The following KCND2 variants were observed in gnomAD, a reference collection of about 807,000 sequenced individuals.
KCND2 encodes A-type voltage-gated potassium channel KCND2.
A neutral mutation model predicts 54.4 loss-of-function variants in KCND2; 16 were observed. The observed-to-expected ratio is 0.29, with a 90% CI of 0.20 to 0.45. The LOEUF (loss-of-function observed/expected upper bound fraction) is 0.45, where lower values mean the gene tolerates loss of function less well. Ranked by LOEUF, KCND2 falls within the 20% of genes least tolerant of loss-of-function variation. The probability of loss-of-function intolerance (pLI) is 1.00; values close to 1 mark genes in which losing one functional copy is unlikely to be tolerated. For missense variants in KCND2, 486 were observed against 824.2 expected (o/e 0.59, Z 5.02); for synonymous variants, 317 against 310.7 (o/e 1.02, Z -0.21).
intron 1 of KCND2, among the ~76,000 whole-genome samples, chr7:120,445,995 G>T (rs1283016821): frequency 1.3e-5 from 2 of 152,016 alleles, no homozygotes; most frequent in Non-Finnish European, 2.9e-5. Flanking sequence ...TACTGGCTTG[G>T]CACTAGTAGG....
intron 1 of KCND2, among the ~76,000 whole-genome samples, chr7:120,405,760 A>C (rs1373496803): frequency 6.6e-6 from 1 of 152,072 alleles, no homozygotes; most frequent in Non-Finnish European, 1.5e-5. Flanking sequence ...CATAGGACTA[A>C]TTTGTCTTTC....
intron 1 of KCND2, among the ~76,000 whole-genome samples, chr7:120,641,154 T>G (rs1375799848): frequency 6.6e-6 from 1 of 152,112 alleles, no homozygotes; most frequent in African/African-American, 2.4e-5. Flanking sequence ...TCCTCAAAGT[T>G]TCACTTAAGC....
At chr7:120,310,634 T>C (rs1799723736) in intron 1 of KCND2, among the ~76,000 whole-genome samples, 1 of 152,154 alleles carries the variant, frequency 6.6e-6, no homozygotes, top group Non-Finnish European at 1.5e-5. Flanking sequence ...GAAAGCTATA[T>C]AGACTGGTCG....
intron 1 of KCND2, among the ~76,000 whole-genome samples, chr7:120,613,073 T>C (rs1792976363): frequency 7.8e-6 from 1 of 127,416 alleles, no homozygotes; most frequent in South Asian, 2.7e-4. Context: ...GCAAACTGGA[T>C]GTTTAGCCTA....
chr7:120,464,123 A>G (rs148789726), intron 1 of KCND2: 12,469 of 956,526 alleles, frequency 0.013, 85 homozygotes, highest in Non-Finnish European at 0.015. Flanking sequence ...CCTAGCTATC[A>G]TTTAGACTAT....
chr7:120,674,034 A>G (rs948198697), intron 1 of KCND2, among the ~76,000 whole-genome samples: 20 of 151,688 alleles, frequency 1.3e-4, no homozygotes, highest in African/African-American at 4.6e-4. Context: ...CCTCCCAAGT[A>G]GCTGGGACGC....
chr7:120,585,246 G>A (rs1792578486), intron 1 of KCND2, among the ~76,000 whole-genome samples: 1 of 151,888 alleles, frequency 6.6e-6, no homozygotes, highest in Admixed American at 6.6e-5. Context: ...GTGAACAAAT[G>A]TCTTTGGTTG....
chr7:120,396,508 A>G (rs1801157633), intron 1 of KCND2, among the ~76,000 whole-genome samples: 1 of 152,034 alleles, frequency 6.6e-6, no homozygotes, highest in Admixed American at 6.6e-5. Flanking sequence ...CTTTTTTAAT[A>G]GGAGATTGGT....
Position 120,538,705 on chromosome 7 carries a change from A to AG in KCND2, c.1116-194194dup, listed in dbSNP as rs1791941860. ...CCACCTTCTTCTTCCCCTGCTAGCC[A>AG]GGGGCTCTACACAGACTAACCTCGG... On this transcript the variant is annotated intron_variant, in intron 1 of 5. Transcript: ENST00000331113. Among the ~76,000 whole-genome samples, 3 of 152,044 alleles carry AG rather than the reference A, an allele frequency of 2.0e-5. No homozygotes were observed. In the East Asian group the frequency reaches 5.8e-4, roughly 29 times the overall value.
intron 1 of KCND2, among the ~76,000 whole-genome samples, chr7:120,655,729 A>G (rs978013714): frequency 1.3e-5 from 2 of 152,128 alleles, no homozygotes; most frequent in Admixed American, 1.3e-4. Context: ...TTAAAAAACA[A>G]TGAATTAAAA....
At chr7:120,711,157 T>G (rs1312635026) in intron 1 of KCND2, among the ~76,000 whole-genome samples, 1 of 152,080 alleles carries the variant, frequency 6.6e-6, no homozygotes, top group Non-Finnish European at 1.5e-5. Context: ...ATAAACATGA[T>G]TAAATAAAAG....
At chr7:120,301,119 A>G (rs1277558629) in intron 1 of KCND2, among the ~76,000 whole-genome samples, 1 of 151,728 alleles carries the variant, frequency 6.6e-6, no homozygotes, top group Non-Finnish European at 1.5e-5. Flanking sequence ...AACAAATAAC[A>G]AATAATAACT....
chr7:120,401,087 A>T (rs766306077), intron 1 of KCND2, among the ~76,000 whole-genome samples: 1 of 152,108 alleles, frequency 6.6e-6, no homozygotes, highest in Non-Finnish European at 1.5e-5. Flanking sequence ...GGTAATATGG[A>T]CAGATTACAG....
intron 1 of KCND2, among the ~76,000 whole-genome samples, chr7:120,498,309 GTGTCTACTAAAAATA>G (rs1802879293): frequency 1.3e-5 from 2 of 152,058 alleles, no homozygotes; most frequent in South Asian, 4.2e-4. Context: ...GTGAAACCCC[GTGTCTACTAAAAATA>G]TGAAAATTAG....
chr7:120,549,463 T>G (rs1792080662), intron 1 of KCND2, among the ~76,000 whole-genome samples: 1 of 152,138 alleles, frequency 6.6e-6, no homozygotes, highest in Non-Finnish European at 1.5e-5. Context: ...TGCCCAGACT[T>G]CAGTCTTTGC....
intron 2 of KCND2, among the ~76,000 whole-genome samples, chr7:120,733,472 T>C (rs575882585): frequency 5.3e-5 from 8 of 152,136 alleles, no homozygotes; most frequent in Non-Finnish European, 1.0e-4. Context: ...GAAAATACAA[T>C]TCTACTGTGG....
At chr7:120,545,893 C>T (rs372969440) in intron 1 of KCND2, among the ~76,000 whole-genome samples, 6 of 151,586 alleles carry the variant, frequency 4.0e-5, no homozygotes, top group African/African-American at 7.2e-5. Context: ...AGAGGAAATC[C>T]GATTTGAATT....
At chr7:120,713,276 G>C (rs1792563763) in intron 1 of KCND2, among the ~76,000 whole-genome samples, 1 of 152,146 alleles carries the variant, frequency 6.6e-6, no homozygotes, top group Admixed American at 6.6e-5. Flanking sequence ...AGTCTGCCTG[G>C]ATCTGAATAG....
intron 1 of KCND2, among the ~76,000 whole-genome samples, chr7:120,314,886 T>C (rs781534829): frequency 2.4e-4 from 36 of 152,310 alleles, no homozygotes; most frequent in South Asian, 6.2e-4. Flanking sequence ...TTAGCTGTTA[T>C]ACCTTGCAAG....
Sources: allele counts gnomAD v4.1 joint callset (sites outside exome capture counted in the v4.1 genomes callset), GRCh38; gene constraint gnomAD v4.1.1; transcripts MANE v1.5; gene names NCBI Gene and HGNC (gene_info 2026-07-23, HGNC 2026-07-21).